Variants in SEPTIN11 observed in about 807,000 individuals in gnomAD.
SEPTIN11 encodes the protein septin 11, also known as septin-11.
A neutral mutation model predicts 51.4 loss-of-function variants in SEPTIN11; 25 were observed. The ratio of observed to expected loss-of-function variants is 0.49; its 90% CI spans 0.35 to 0.68. SEPTIN11 has a LOEUF of 0.68. Ranked by LOEUF, SEPTIN11 falls within the 30% of genes least tolerant of loss-of-function variation. The pLI, the probability that SEPTIN11 is intolerant of heterozygous loss-of-function variation, is 0.00. For missense variants in SEPTIN11, 381 were observed against 520.8 expected (o/e 0.73, Z 2.61); for synonymous variants, 174 against 184.1 (o/e 0.95, Z 0.44).
At chr4:77,026,470 C>T (rs895096526) in intron 7 of SEPTIN11, among the ~76,000 whole-genome samples, 5 of 152,166 alleles carry the variant, frequency 3.3e-5, no homozygotes, top group African/African-American at 1.2e-4. Flanking sequence ...GAACTTCGGA[C>T]TCTGTATTTA....
downstream of SEPTIN11, chr4:77,039,228 T>C (rs1727231143): frequency 1.6e-6 from 2 of 1,236,170 alleles, no homozygotes; most frequent in Non-Finnish European, 1.0e-6. Flanking sequence ...GGGTCAAATA[T>C]TGCACTGCTG....
chr4:76,957,026 G>C (rs1457393280), intron 1 of SEPTIN11, among the ~76,000 whole-genome samples: 4 of 138,240 alleles, frequency 2.9e-5, no homozygotes, highest in Admixed American at 7.3e-5. Flanking sequence ...GAGACAGAGA[G>C]AGATAAGAGT....
In SEPTIN11 at chr4:77,015,014, G is replaced by A; in HGVS notation, c.684G>A (p.Met228Ile). ...EETVAEINATMSVHLPFAVVG... is the reference protein window; with the variant it reads ...EETVAEINATISVHLPFAVVG... ...CGGTGGCAGAGATTAACGCAACAAT[G>A]AGTGTAAGTCCTCAAGTCAAATGGG... is the stretch of plus-strand genomic sequence containing the variant. Residue 228 changes from methionine (M) to isoleucine (I), a missense_variant, in exon 5 of 10, where the codon ATG (methionine) becomes ATA (isoleucine). Physicochemically the swap from Met to Ile is conservative, Grantham distance 10. Transcript: ENST00000264893. The A allele has an allele frequency of 6.2e-7, 1 of 1,613,484 alleles. No individual in the cohort carries two copies. Among genetic ancestry groups the A allele is most frequent in the Non-Finnish European group, 8.5e-7 (1 of 1,179,814 alleles).
chr4:77,031,447 A>C (rs1294674361), intron 9 of SEPTIN11: 1 of 152,766 alleles, frequency 6.5e-6, no homozygotes, highest in African/African-American at 2.4e-5. Context: ...GTTTCCTCAA[A>C]ATTCAATATG....
intron 4 of SEPTIN11, among the ~76,000 whole-genome samples, chr4:77,013,024 GT>G (rs1724987885): frequency 6.6e-6 from 1 of 152,200 alleles, no homozygotes; most frequent in Non-Finnish European, 1.5e-5. Flanking sequence ...TTCCGGGTCT[GT>G]TGTGTCCTTG....
In SEPTIN11 at chr4:77,036,913, T is replaced by C. The variant is rs372141278; in HGVS notation, c.*2401T>C. On this transcript the variant is annotated 3_prime_UTR_variant, in exon 10 of 10. Coordinates refer to ENST00000264893, the MANE Select transcript of SEPTIN11 (RefSeq NM_018243.4). ...AGAGAAAGCAAATGGGATGGATAGA[T>C]TTTTTTTTTCTTTTCAAGGGGGGCA... 26 of 1,269,758 alleles carry C rather than the reference T, an allele frequency of 2.0e-5. No individual in the cohort carries two copies. The highest frequency in any genetic ancestry group is 1.6e-4 in the East Asian group (5 of 31,228). 78.7% of individuals were successfully genotyped at this position (1,269,758 alleles called of 1,614,324 possible).
At chr4:77,010,870 T>C (rs1026574595) in intron 3 of SEPTIN11, among the ~76,000 whole-genome samples, 3 of 152,246 alleles carry the variant, frequency 2.0e-5, no homozygotes, top group Non-Finnish European at 2.9e-5. Flanking sequence ...ATTAGTGGGT[T>C]TCCCACAATG....
At chr4:77,005,450 TAGAA>T (rs1247130281) in intron 2 of SEPTIN11, 147 bp from the exon 3 acceptor site, 3 of 643,038 alleles carry the variant, frequency 4.7e-6, no homozygotes, top group Non-Finnish European at 7.7e-6. Flanking sequence ...AGATTACACA[TAGAA>T]AGAATTATCT....
rs1375925794 is a variant in SEPTIN11 at position 76,981,149 on chromosome 4, C to A, written c.28-15276C>A. The stretch of plus-strand genomic sequence containing the variant: ...TGCTCTTGCACATATTTTATCATCT[C>A]TTTTTGAGAGCTGATGGGATTTATA... On this transcript the variant is annotated intron_variant, in intron 1 of 9. Transcript: ENST00000264893. Among the ~76,000 whole-genome samples, 3 of 152,204 alleles carry A rather than the reference C, an allele frequency of 2.0e-5. No individual in the cohort carries two copies. In the East Asian group the frequency reaches 5.8e-4, roughly 29 times the overall value.
At position 77,010,458 on chromosome 4, in the gene SEPTIN11, CT is replaced by C. The variant is rs766438702; in HGVS notation, c.339-1263del. ...TTATTATTGCTGAGGTACATCCTAC[CT>C]TTTTTTTTTTTTTAAAGCCTCTAGA... On this transcript the variant is annotated intron_variant, in intron 3 of 9. Coordinates refer to ENST00000264893, the MANE Select transcript of SEPTIN11 (RefSeq NM_018243.4). 3.9e-3 allele frequency among the ~76,000 whole-genome samples: 547 copies of C among 140,350 alleles called. 4 individuals are homozygous for C. The highest frequency in any genetic ancestry group is 3.8e-3 in the Non-Finnish European group (245 of 64,254). The allele number at this position is 140,350 out of a possible 152,430, so 92.1% of individuals were successfully genotyped here.
chr4:77,016,591 T>TAC (rs1160874810), intron 5 of SEPTIN11, among the ~76,000 whole-genome samples: 55 of 122,768 alleles, frequency 4.5e-4, no homozygotes, highest in Middle Eastern at 7.8e-3. Flanking sequence ...AGCATATATA[T>TAC]ACACACACAT....
At chr4:77,026,531 G>A (rs1726156879) in intron 7 of SEPTIN11, among the ~76,000 whole-genome samples, 2 of 152,148 alleles carry the variant, frequency 1.3e-5, no homozygotes, top group African/African-American at 4.8e-5. Flanking sequence ...TATGGCCAAG[G>A]TTGAGATCCA....
At chr4:76,955,193 G>A (rs60786754) in intron 1 of SEPTIN11, among the ~76,000 whole-genome samples, 2,040 of 152,218 alleles carry the variant, frequency 0.013, 34 homozygotes, top group African/African-American at 0.046. Flanking sequence ...ACTCATTCTT[G>A]CCTTTCCAAC....
chr4:77,033,437 G>A (rs74744020), intron 9 of SEPTIN11, among the ~76,000 whole-genome samples: 6,872 of 152,162 alleles, frequency 0.045, 238 homozygotes, highest in East Asian at 0.096. Context: ...TCTTTTTTCT[G>A]TTCTAATGAC....
chr4:76,980,081 T>C (rs559764279), intron 1 of SEPTIN11, among the ~76,000 whole-genome samples: 4 of 152,340 alleles, frequency 2.6e-5, no homozygotes, highest in Non-Finnish European at 4.4e-5. Context: ...GGCAGACCCC[T>C]CTTTTTTTGT....
At chr4:77,026,774 C>T (rs758250189) in intron 7 of SEPTIN11, among the ~76,000 whole-genome samples, 16 of 152,120 alleles carry the variant, frequency 1.1e-4, no homozygotes, top group African/African-American at 2.4e-4. Context: ...ATAAGAGGGA[C>T]GAGTCATCCT....
chr4:76,974,602 A>G (rs1367553025), intron 1 of SEPTIN11: 1 of 385,014 alleles, frequency 2.6e-6, no homozygotes, highest in African/African-American at 2.1e-5. Context: ...AAGGCGTTCT[A>G]GATAGGTCAT....
chr4:77,028,502 T>A, intron 7 of SEPTIN11, 127 bp from the exon 8 acceptor site: 1 of 1,057,024 alleles, frequency 9.5e-7, no homozygotes, highest in Non-Finnish European at 1.4e-6. Context: ...TCATTCTACT[T>A]ATGCTTTGAT....
At chr4:77,006,503 A>G (rs1449580415) in intron 3 of SEPTIN11, among the ~76,000 whole-genome samples, 1 of 152,164 alleles carries the variant, frequency 6.6e-6, no homozygotes, top group Non-Finnish European at 1.5e-5. Context: ...TCTTATGACT[A>G]TTTTACATAG....
Sources: gnomAD v4.1 joint callset for allele counts (sites outside exome capture counted in the v4.1 genomes callset) on GRCh38, gnomAD v4.1.1 for gene constraint, MANE v1.5 for transcripts, NCBI Gene and HGNC (gene_info 2026-07-23, HGNC 2026-07-21) for gene names.